Variants in ATP8B4 observed in about 807,000 individuals in gnomAD.
ATP8B4 encodes the protein probable phospholipid-transporting ATPase IM.
In ATP8B4, 133 loss-of-function variants were observed where a neutral mutation model predicts 145.6. The ratio of observed to expected loss-of-function variants is 0.91; its 90% confidence interval spans 0.79 to 1.05. The LOEUF is 1.05. ATP8B4 is among the 50% of genes least tolerant of loss of function. The pLI, the probability that ATP8B4 is intolerant of heterozygous loss-of-function variation, is 0.00. For synonymous variants in ATP8B4, 507 were observed against 492.9 expected, an observed-to-expected ratio of 1.03 and a Z score of -0.38; for missense variants, 1,458 against 1,425.2, an observed-to-expected ratio of 1.02 and a Z score of -0.37.
At chr15:49,884,648 G>C (rs910004101) in intron 23 of ATP8B4, among the ~76,000 whole-genome samples, 1 of 151,092 alleles carries the variant, frequency 6.6e-6, no homozygotes, top group Non-Finnish European at 1.5e-5. Context: ...TTCCTTGAAG[G>C]CTTTTTCCCT....
intron 1 of ATP8B4, among the ~76,000 whole-genome samples, chr15:50,138,690 C>T (rs1203346897): frequency 6.6e-6 from 1 of 152,102 alleles, no homozygotes; most frequent in African/African-American, 2.4e-5. Flanking sequence ...TGGAAATATC[C>T]TCATTTCAAA....
At chr15:49,966,933 A>G (rs1163165872) in intron 13 of ATP8B4, among the ~76,000 whole-genome samples, 6 of 152,158 alleles carry the variant, frequency 3.9e-5, no homozygotes, top group Non-Finnish European at 8.8e-5. Context: ...ACAGGCAGCA[A>G]TTTTTGCTGT....
At chr15:49,941,094 G>A (rs2042130515) in intron 14 of ATP8B4, among the ~76,000 whole-genome samples, 1 of 152,116 alleles carries the variant, frequency 6.6e-6, no homozygotes, top group Non-Finnish European at 1.5e-5. Context: ...ATAGGGAGTA[G>A]ACATTTATAG....
chr15:49,919,038 C>A, intron 18 of ATP8B4, 88 bp from the exon 19 acceptor site: 2 of 925,960 alleles, frequency 2.2e-6, no homozygotes, highest in Non-Finnish European at 3.3e-6. Context: ...ATTCTGGAGG[C>A]CAAAGAATAT....
rs1648347 is a variant in ATP8B4 at position 50,179,598 on chromosome 15, T to G, written c.-43+2663A>C. 2.6e-5 allele frequency among the ~76,000 whole-genome samples: 4 copies of G among 152,312 alleles called. No homozygotes were observed. The East Asian group carries it at 7.7e-4, about 29-fold the overall frequency. ...AATTCATATATTGAAATCCTAACCC[T>G]CAATGTGATGGTATTAGGAGGTAGA... On this transcript the variant is annotated intron_variant, in intron 1 of 3. Coordinates refer to the ATP8B4 transcript ENST00000558829.
intron 1 of ATP8B4, among the ~76,000 whole-genome samples, chr15:50,116,270 A>C (rs144924139): frequency 3.2e-4 from 49 of 152,212 alleles, no homozygotes; most frequent in Non-Finnish European, 6.3e-4. Context: ...AAATAAAATA[A>C]AATAAATGGT....
rs183481814 is a variant in ATP8B4, at chr15:49,987,922, T to C, written c.590-373A>G. 4.2e-3 allele frequency among the ~76,000 whole-genome samples: 633 copies of C among 152,334 alleles called. 5 individuals carry two copies. Among genetic ancestry groups the C allele is most frequent in the Non-Finnish European group, 6.4e-3 (435 of 68,022 alleles). ...AAAGTTTCTCTTATTCCATCTCTTTTAGCTAAATGTGAACTTTTACACAGT... is the reference window on the plus strand; with the variant it reads ...AAAGTTTCTCTTATTCCATCTCTTTCAGCTAAATGTGAACTTTTACACAGT... On this transcript the variant is annotated intron_variant, in intron 9 of 27. Transcript: ENST00000284509.
intron 1 of ATP8B4, among the ~76,000 whole-genome samples, chr15:50,131,810 AT>A (rs1392547228): frequency 1.3e-5 from 2 of 149,528 alleles, no homozygotes; most frequent in East Asian, 1.9e-4. Context: ...AATACTAAAA[AT>A]ATTTATATTT....
chr15:49,966,663 C>CT (rs1229297128), intron 13 of ATP8B4, among the ~76,000 whole-genome samples: 2 of 152,188 alleles, frequency 1.3e-5, no homozygotes, highest in African/African-American at 4.8e-5. Flanking sequence ...GACAGCGCAC[C>CT]TGGGGGAAGG....
intron 25 of ATP8B4, among the ~76,000 whole-genome samples, chr15:49,871,898 G>A (rs1394600962): frequency 6.6e-6 from 1 of 152,168 alleles, no homozygotes; most frequent in Non-Finnish European, 1.5e-5. Context: ...AGTGGGACTG[G>A]GAGTGAGGGC....
chr15:50,138,367 T>C (rs1445116969), intron 1 of ATP8B4, among the ~76,000 whole-genome samples: 1 of 100,306 alleles, frequency 1.0e-5, no homozygotes, highest in Non-Finnish European at 2.4e-5. Flanking sequence ...GATAGATAGA[T>C]AGATAGGCAG....
At chr15:50,133,876 A>T (rs2044084243) in intron 1 of ATP8B4, among the ~76,000 whole-genome samples, 2 of 152,174 alleles carry the variant, frequency 1.3e-5, no homozygotes, top group South Asian at 4.2e-4. Context: ...TGGTTCATGC[A>T]TGGAATCGCA....
chr15:49,906,466 T>G (rs1359593136), intron 20 of ATP8B4, among the ~76,000 whole-genome samples: 2 of 152,202 alleles, frequency 1.3e-5, no homozygotes, highest in East Asian at 3.9e-4. Context: ...AATCTTGAGA[T>G]ATTAACTCAA....
rs2051523262 is a variant in ATP8B4 at position 50,043,962 on chromosome 15, A to T, written c.300+632T>A. Among the ~76,000 whole-genome samples the T allele has an allele frequency of 2.0e-5, 3 of 150,428 alleles. No homozygotes were observed. The South Asian group carries it at 6.2e-4, about 31-fold the overall frequency. ...GCGACAGAGCGAGACTCCGTTTCAAAAAAAAAAAAAAAAAAGAATACAGTG... is the reference window on the plus strand; with the variant it reads ...GCGACAGAGCGAGACTCCGTTTCAATAAAAAAAAAAAAAAAGAATACAGTG... On this transcript the variant is annotated intron_variant, in intron 5 of 27. Transcript: ENST00000284509.
chr15:50,086,608 T>C (rs1323898089), intron 2 of ATP8B4, among the ~76,000 whole-genome samples: 7 of 116,882 alleles, frequency 6.0e-5, no homozygotes, highest in South Asian at 4.9e-4. Flanking sequence ...CTATATTTAT[T>C]ATATATAATA....
chr15:49,876,733 G>A (rs2034492013), intron 24 of ATP8B4: 2 of 761,162 alleles, frequency 2.6e-6, no homozygotes, highest in East Asian at 2.9e-5. Context: ...AGGAGCTTGA[G>A]TCTCCAAGAG....
intron 8 of ATP8B4, among the ~76,000 whole-genome samples, chr15:49,997,098 T>C (rs764471922): frequency 1.3e-5 from 2 of 152,164 alleles, no homozygotes; most frequent in Non-Finnish European, 2.9e-5. Context: ...GGAACACAGT[T>C]GCCAAATAAA....
chr15:50,137,847 G>A (rs1335856289), intron 1 of ATP8B4, among the ~76,000 whole-genome samples: 1 of 152,072 alleles, frequency 6.6e-6, no homozygotes, highest in Non-Finnish European at 1.5e-5. Context: ...TAAATTCCAG[G>A]ACCCAGGTCT....
chr15:49,890,498 T>C (rs1490603018), intron 23 of ATP8B4, among the ~76,000 whole-genome samples: 1 of 152,174 alleles, frequency 6.6e-6, no homozygotes, highest in Non-Finnish European at 1.5e-5. Flanking sequence ...TAAGGGGCTT[T>C]AGGGGCTAAG....
Sources: allele counts gnomAD v4.1 joint callset (sites outside exome capture counted in the v4.1 genomes callset), GRCh38; gene constraint gnomAD v4.1.1; transcripts MANE v1.5; gene names NCBI Gene and HGNC (gene_info 2026-07-23, HGNC 2026-07-21).